Variants in NUP93 observed in about 807,000 individuals in gnomAD.
NUP93 encodes nuclear pore complex protein Nup93.
In NUP93, 55 loss-of-function variants were observed where a neutral mutation model predicts 107.8. That is an observed-to-expected ratio of 0.51 (90% confidence interval 0.41 to 0.64). The LOEUF (loss-of-function observed/expected upper bound fraction) is 0.64, where lower values mean the gene tolerates loss of function less well. NUP93 is among the 30% of genes least tolerant of loss of function. The pLI is 0.00. For synonymous variants in NUP93, 390 were observed against 397.5 expected, an observed-to-expected ratio of 0.98 and a Z score of 0.22; for missense variants, 937 against 1,044.7, an observed-to-expected ratio of 0.90 and a Z score of 1.42.
chr16:56,758,088 G>T (rs1419920656), intron 2 of NUP93, among the ~76,000 whole-genome samples: 2 of 151,834 alleles, frequency 1.3e-5, no homozygotes, highest in African/African-American at 4.8e-5. Flanking sequence ...AAAAAAAGTT[G>T]GGGGGAGCTT....
intron 2 of NUP93, among the ~76,000 whole-genome samples, chr16:56,750,099 A>G (rs538144021): frequency 1.3e-5 from 2 of 152,374 alleles, no homozygotes; most frequent in South Asian, 4.1e-4. Context: ...TTTACAGCCT[A>G]TTAAGAGCAA....
intron 3 of NUP93, among the ~76,000 whole-genome samples, chr16:56,795,269 A>G (rs1962871969): frequency 6.6e-6 from 1 of 152,194 alleles, no homozygotes; most frequent in Non-Finnish European, 1.5e-5. Context: ...GTGAACCGTG[A>G]CACTAAAGCC....
intron 3 of NUP93, among the ~76,000 whole-genome samples, chr16:56,795,481 C>T (rs1296492752): frequency 1.3e-5 from 2 of 151,992 alleles, no homozygotes; most frequent in Non-Finnish European, 2.9e-5. Flanking sequence ...ATGTGGGTTC[C>T]TAGCTTTATG....
Position 56,838,719 on chromosome 16 carries a change from C to G in NUP93, c.2019-233C>G, listed in dbSNP as rs1056789389. Among the ~76,000 whole-genome samples, 16 of 152,254 alleles carry G rather than the reference C, an allele frequency of 1.1e-4. No individual in the cohort carries two copies. The East Asian group carries it at 2.5e-3, about 24-fold the overall frequency. ...TAACTAGGACTACAGGCATGTACCA[C>G]CACACTCAGTTAATATTTTAATATT... On this transcript the variant is annotated intron_variant, in intron 18 of 21. Transcript: ENST00000308159.
At chr16:56,810,038 T>C (rs1419724628) in intron 5 of NUP93, among the ~76,000 whole-genome samples, 1 of 152,226 alleles carries the variant, frequency 6.6e-6, no homozygotes, top group Non-Finnish European at 1.5e-5. Context: ...GATGTAATTA[T>C]AAATTGATAA....
At chr16:56,826,994 C>T (rs903914276) in intron 8 of NUP93, among the ~76,000 whole-genome samples, 1 of 133,372 alleles carries the variant, frequency 7.5e-6, no homozygotes, top group Non-Finnish European at 1.5e-5. Context: ...TGCAGTGAGC[C>T]GAGGTGGCGC....
intron 3 of NUP93, among the ~76,000 whole-genome samples, chr16:56,785,544 C>A (rs1413912667): frequency 6.6e-6 from 1 of 152,162 alleles, no homozygotes; most frequent in African/African-American, 2.4e-5. Context: ...GTATTTGTAT[C>A]AAACCTTTTA....
chr16:56,737,739 G>T (rs1246491164), intron 1 of NUP93, among the ~76,000 whole-genome samples: 1 of 152,038 alleles, frequency 6.6e-6, no homozygotes, highest in East Asian at 1.9e-4. Flanking sequence ...GTATACCAAG[G>T]TATGAATATA....
At chr16:56,733,546 C>T (rs1192754978) in intron 1 of NUP93, among the ~76,000 whole-genome samples, 3 of 151,932 alleles carry the variant, frequency 2.0e-5, no homozygotes, top group African/African-American at 4.8e-5. Flanking sequence ...TGGGAACCCA[C>T]GAGAAGGAAG....
chr16:56,807,954 C>T lies in NUP93; in HGVS notation c.489+2322C>T, dbSNP rs371300742. ...GGAGAATCACTTGAACCAGGGGAGTCGGAGGTCGCAGTGAGCTGAGATCCC... is the reference window on the plus strand; with the variant it reads ...GGAGAATCACTTGAACCAGGGGAGTTGGAGGTCGCAGTGAGCTGAGATCCC... On this transcript the variant is annotated intron_variant, in intron 5 of 21. Coordinates refer to ENST00000308159, the MANE Select transcript of NUP93 (RefSeq NM_014669.5). 3.3e-5 allele frequency among the ~76,000 whole-genome samples: 5 copies of T among 150,194 alleles called. No individual in the cohort carries two copies. The East Asian group carries it at 5.9e-4, about 18-fold the overall frequency.
At chr16:56,834,836 C>A in intron 16 of NUP93, 58 bp downstream of exon 16, 2 of 1,278,358 alleles carry the variant, frequency 1.6e-6, no homozygotes, top group South Asian at 2.6e-5. Context: ...TTATAAATAT[C>A]AAAAAATACA....
chr16:56,844,677 T>C lies in NUP93; in HGVS notation c.*68T>C. 1 of 905,902 alleles carries C rather than the reference T, an allele frequency of 1.1e-6. No homozygotes were observed. 56.1% of individuals were successfully genotyped at this position (905,902 alleles called of 1,614,324 possible). A position where few individuals can be genotyped will look rare whatever the true frequency, so the allele number is the denominator to read the frequency against. On this transcript the variant is annotated 3_prime_UTR_variant, in exon 22 of 22. Transcript: ENST00000308159. ...CATCAGGCACATGGGCCCACTAGGC[T>C]GGGGTTTCTGGTTTTGTTTCTGTTG... is the stretch of plus-strand genomic sequence containing the variant.
In NUP93 at chr16:56,832,381, A is replaced by G. The variant is rs151322124; in HGVS notation, c.1338A>G (p.Glu446=). 1.2e-6 allele frequency: 2 copies of G among 1,612,780 alleles called. No individual in the cohort carries two copies. Among genetic ancestry groups the G allele is most frequent in the African/African-American group, 2.7e-5 (2 of 74,894 alleles). ...CACAGTTCCAGAAGCAGTTGTTGGA[A>G]GACTATGGTAAGATTCTGGACATAA... ...TLSQFQKQLL[E]DYGESHFTVN... Residue 446 remains glutamate (E), a synonymous_variant, in exon 12 of 22, where the codon GAA becomes GAG. Transcript: ENST00000308159.
intron 3 of NUP93, among the ~76,000 whole-genome samples, chr16:56,796,557 C>T (rs866521337): frequency 4.6e-5 from 7 of 152,192 alleles, no homozygotes; most frequent in Admixed American, 1.3e-4. Flanking sequence ...ATAAAATGAT[C>T]AAAAACTAAT....
chr16:56,819,534 G>T (rs1382787079), intron 6 of NUP93, among the ~76,000 whole-genome samples: 2 of 152,156 alleles, frequency 1.3e-5, no homozygotes, highest in South Asian at 2.1e-4. Context: ...CTTTGAGGGG[G>T]GACCCAGGGG....
At chr16:56,800,732 A>G (rs1472849969) in intron 4 of NUP93, among the ~76,000 whole-genome samples, 1 of 152,258 alleles carries the variant, frequency 6.6e-6, no homozygotes, top group African/African-American at 2.4e-5. Context: ...CTACAAAACC[A>G]CAAGTGTGTC....
rs1179429185 is a variant in NUP93 at position 56,849,391 on chromosome 16, G to A, written c.*4782G>A. 1 of 152,234 alleles carries A rather than the reference G, an allele frequency of 6.6e-6. No individual in the cohort carries two copies. The highest frequency in any genetic ancestry group is 2.4e-5 in the African/African-American group (1 of 41,462). 9.4% of individuals were successfully genotyped at this position (152,234 alleles called of 1,614,324 possible). On this transcript the variant is annotated 3_prime_UTR_variant, in exon 22 of 22. Transcript: ENST00000308159. ...ACCCAGCTCTGCGCTAGCACAATCT[G>A]TACACCTGGCTGCCTTTGCCCTTGA...
intron 3 of NUP93, among the ~76,000 whole-genome samples, chr16:56,793,644 G>A (rs1234544692): frequency 1.3e-5 from 2 of 152,128 alleles, no homozygotes; most frequent in Non-Finnish European, 1.5e-5. Flanking sequence ...GAGATCTGTG[G>A]GGGACCTGGA....
intron 3 of NUP93, among the ~76,000 whole-genome samples, chr16:56,763,377 T>C (rs1962159565): frequency 2.0e-5 from 3 of 152,200 alleles, no homozygotes; most frequent in South Asian, 2.1e-4. Flanking sequence ...TAGAGACATT[T>C]TTCAACTAGA....
Sources: gnomAD v4.1 joint callset for allele counts (sites outside exome capture counted in the v4.1 genomes callset) on GRCh38, gnomAD v4.1.1 for gene constraint, MANE v1.5 for transcripts, NCBI Gene and HGNC (gene_info 2026-07-23, HGNC 2026-07-21) for gene names.